Variants in TLL1 observed in about 807,000 individuals in gnomAD.
The protein encoded by TLL1 is tolloid like 1, also known as tolloid-like protein 1.
TLL1 carries 49 observed loss-of-function variants against 128.2 expected under a neutral mutation model. The observed-to-expected ratio is 0.38, with a 90% CI of 0.30 to 0.48. The LOEUF is 0.48. TLL1 is among the 20% of genes least tolerant of loss of function. The probability of loss-of-function intolerance (pLI) is 0.96; values close to 1 mark genes in which losing one functional copy is unlikely to be tolerated. For synonymous variants in TLL1, 454 were observed against 418.8 expected, an observed-to-expected ratio of 1.08 and a Z score of -1.03; for missense variants, 1,123 against 1,242.0, an observed-to-expected ratio of 0.90 and a Z score of 1.44.
intron 1 of TLL1, among the ~76,000 whole-genome samples, chr4:165,966,881 G>A (rs1487307917): frequency 6.6e-6 from 1 of 152,158 alleles, no homozygotes; most frequent in Admixed American, 6.5e-5. Context: ...TCATTGTTAA[G>A]ATCTTATCAG....
intron 1 of TLL1, among the ~76,000 whole-genome samples, chr4:165,934,872 A>C (rs1378002833): frequency 3.9e-5 from 6 of 152,222 alleles, no homozygotes; most frequent in African/African-American, 9.6e-5. Flanking sequence ...CCAATCATAG[A>C]AATTGGAGTA....
intron 16 of TLL1, among the ~76,000 whole-genome samples, chr4:166,069,667 C>T (rs556940177): frequency 8.6e-4 from 130 of 151,744 alleles, no homozygotes; most frequent in African/African-American, 3.0e-3. Flanking sequence ...TTAAAACAAA[C>T]ACTTTTTAGA....
chr4:166,035,500 G>A (rs17047207), intron 9 of TLL1, among the ~76,000 whole-genome samples: 24,638 of 151,978 alleles, frequency 0.16, 2,442 homozygotes, highest in African/African-American at 0.28. Context: ...GTGACCTCCC[G>A]TTTACAGCAG....
chr4:165,952,045 G>A (rs1484511269), intron 1 of TLL1, among the ~76,000 whole-genome samples: 1 of 152,102 alleles, frequency 6.6e-6, no homozygotes, highest in Non-Finnish European at 1.5e-5. Context: ...TAGCTCTTAA[G>A]AGATAGAAAT....
At position 166,100,948 on chromosome 4, in the gene TLL1, G is replaced by T; in HGVS notation, c.*72G>T. The T allele has an allele frequency of 6.4e-7, 1 of 1,558,560 alleles. No homozygotes were observed. The highest frequency in any genetic ancestry group is 8.7e-7 in the Non-Finnish European group (1 of 1,143,086). ...AAGACATATTTTTTTTAAAACTGAA[G>T]ATATTGGCACAAATGTTTTATACAA... On this transcript the variant is annotated 3_prime_UTR_variant, in exon 21 of 21. Transcript: ENST00000061240.
At position 165,931,388 on chromosome 4, in the gene TLL1, A is replaced by G. The variant is rs75047964; in HGVS notation, c.169+57315A>G. ...GGTTTCTTTTGGGTTTACTTTTCTCATCCTTTAAAGTTAAAAACATTCAGC... is the reference window on the plus strand; with the variant it reads ...GGTTTCTTTTGGGTTTACTTTTCTCGTCCTTTAAAGTTAAAAACATTCAGC... On this transcript the variant is annotated intron_variant, in intron 1 of 20. Coordinates refer to ENST00000061240, the MANE Select transcript of TLL1 (RefSeq NM_012464.5). 2.4e-3 allele frequency among the ~76,000 whole-genome samples: 361 copies of G among 152,184 alleles called. No homozygotes were observed. In the East Asian group the frequency reaches 0.042, roughly 18 times the overall value.
chr4:165,874,763 G>T (rs749978915), intron 1 of TLL1, among the ~76,000 whole-genome samples: 5 of 152,384 alleles, frequency 3.3e-5, no homozygotes, highest in Non-Finnish European at 7.3e-5. Context: ...AGTCGGACCG[G>T]CACTGCCTGA....
chr4:166,022,968 C>T (rs1257934441), intron 8 of TLL1, among the ~76,000 whole-genome samples: 1 of 152,148 alleles, frequency 6.6e-6, no homozygotes, highest in East Asian at 1.9e-4. Flanking sequence ...TTGTATTGCT[C>T]ACACATTATT....
chr4:165,921,188 A>T (rs1280292826), intron 1 of TLL1, among the ~76,000 whole-genome samples: 1 of 152,206 alleles, frequency 6.6e-6, no homozygotes, highest in Non-Finnish European at 1.5e-5. Context: ...CATATGCGAA[A>T]GTGCCTTGCT....
intron 1 of TLL1, among the ~76,000 whole-genome samples, chr4:165,923,351 A>G (rs1733121313): frequency 6.6e-6 from 1 of 151,414 alleles, no homozygotes; most frequent in Non-Finnish European, 1.5e-5. Flanking sequence ...CAAATATTCA[A>G]AGCTTTAAAT....
chr4:165,952,227 A>G, intron 1 of TLL1, among the ~76,000 whole-genome samples: 1 of 152,130 alleles, frequency 6.6e-6, no homozygotes, highest in Admixed American at 6.6e-5. Flanking sequence ...ATACTAAAGG[A>G]TCATACTAAA....
Position 166,014,466 on chromosome 4 carries a change from C to A in TLL1, c.948C>A (p.Ser316=). The change falls in exon 8 of 21, where the codon TCC becomes TCA. Residue 316 remains serine (S), a synonymous_variant. Coordinates refer to ENST00000061240, the MANE Select transcript of TLL1 (RefSeq NM_012464.5). ...TGTTTCTGGATACCATTCTCCCCTC[C>A]CGTGATGATAATGGCATACGTCCTG... is the stretch of plus-strand genomic sequence containing the variant. ...RGMFLDTILP[S]RDDNGIRPAI... is the part of the protein sequence containing the mutation. The A allele has an allele frequency of 6.2e-7, 1 of 1,612,204 alleles. No homozygotes were observed. Among genetic ancestry groups the A allele is most frequent in the Non-Finnish European group, 8.5e-7 (1 of 1,178,722 alleles).
intron 1 of TLL1, among the ~76,000 whole-genome samples, chr4:165,912,664 T>G (rs1158464339): frequency 1.3e-5 from 2 of 149,102 alleles, no homozygotes; most frequent in East Asian, 3.9e-4. Flanking sequence ...GTCGATTTCC[T>G]CCTCGTTCCA....
At chr4:166,067,899 T>A (rs1051073301) in intron 16 of TLL1, among the ~76,000 whole-genome samples, 5 of 151,896 alleles carry the variant, frequency 3.3e-5, no homozygotes, top group Non-Finnish European at 5.9e-5. Context: ...AAACCTAGTA[T>A]CTCTTGGTCC....
intron 12 of TLL1, chr4:166,044,566 G>T: frequency 2.5e-6 from 2 of 784,830 alleles, no homozygotes; most frequent in African/African-American, 1.8e-5. Context: ...TTATGCTCCA[G>T]ACCATTTTTT....
rs1227394919 is a variant in TLL1 at position 166,102,253 on chromosome 4, T to G, written c.*1377T>G. 1 of 152,456 alleles carries G rather than the reference T, an allele frequency of 6.6e-6. No homozygotes were observed. Among genetic ancestry groups the G allele is most frequent in the Non-Finnish European group, 1.5e-5 (1 of 67,964 alleles). 9.4% of individuals were successfully genotyped at this position (152,456 alleles called of 1,614,324 possible). A position where few individuals can be genotyped will look rare whatever the true frequency, so the allele number is the denominator to read the frequency against. ...TAACAGCTCTATGAAGAAAATCCAT[T>G]TCCATGACTGAAGCATTGGATATAA... On this transcript the variant is annotated 3_prime_UTR_variant, in exon 21 of 21. Transcript: ENST00000061240.
intron 1 of TLL1, among the ~76,000 whole-genome samples, chr4:165,881,379 G>A (rs1387784240): frequency 1.3e-5 from 2 of 152,194 alleles, no homozygotes; most frequent in African/African-American, 2.4e-5. Flanking sequence ...GGATACGTGA[G>A]GAAAACAGGC....
chr4:165,998,330 T>G (rs554652806), intron 5 of TLL1, among the ~76,000 whole-genome samples: 1 of 152,318 alleles, frequency 6.6e-6, no homozygotes, highest in East Asian at 1.9e-4. Flanking sequence ...TCTCCTTTTA[T>G]TAGATAATTT....
At chr4:166,068,251 C>A (rs2111128876) in intron 16 of TLL1, among the ~76,000 whole-genome samples, 1 of 151,716 alleles carries the variant, frequency 6.6e-6, no homozygotes, top group Non-Finnish European at 1.5e-5. Flanking sequence ...TAATAAATTG[C>A]TGTTGTATTA....
Sources: gnomAD v4.1 joint callset for allele counts (sites outside exome capture counted in the v4.1 genomes callset) on GRCh38, gnomAD v4.1.1 for gene constraint, MANE v1.5 for transcripts, NCBI Gene and HGNC (gene_info 2026-07-23, HGNC 2026-07-21) for gene names.